Variants in BARX2 observed in about 807,000 individuals in gnomAD.
BARX2 encodes homeobox protein BarH-like 2.
Under a neutral mutation model 25.5 loss-of-function variants are expected in BARX2, and 11 were observed. The ratio of observed to expected loss-of-function variants is 0.43; its 90% CI spans 0.27 to 0.71. BARX2 has a LOEUF of 0.71. BARX2 is among the 30% of genes least tolerant of loss of function. BARX2 has a pLI of 0.19. For missense variants in BARX2, 360 were observed against 359.9 expected (o/e 1.00, Z 0.00); for synonymous variants, 137 against 149.5 (o/e 0.92, Z 0.61).
At chr11:129,444,695 G>A (rs141973509) in intron 3 of BARX2, among the ~76,000 whole-genome samples, 3 of 152,254 alleles carry the variant, frequency 2.0e-5, no homozygotes, top group Admixed American at 1.3e-4. Context: ...GAAGGTGGCC[G>A]GGAGAAGTTG....
chr11:129,406,666 A>AC (rs1476231683), intron 1 of BARX2, among the ~76,000 whole-genome samples: 2 of 151,894 alleles, frequency 1.3e-5, no homozygotes, highest in African/African-American at 4.8e-5. Context: ...AAGGAGGTGG[A>AC]CCCCCCAGTC....
chr11:129,377,948 T>C (rs1276640185), intron 1 of BARX2, among the ~76,000 whole-genome samples: 1 of 152,206 alleles, frequency 6.6e-6, no homozygotes, highest in Admixed American at 6.5e-5. Context: ...CAGAGAATAG[T>C]CATTCAGTCA....
chr11:129,434,388 C>T (rs1260435394), intron 1 of BARX2, among the ~76,000 whole-genome samples: 7 of 134,526 alleles, frequency 5.2e-5, no homozygotes, highest in African/African-American at 2.0e-4. Context: ...AACAGAGACC[C>T]TGTCTCTACT....
At chr11:129,414,346 A>G (rs574770525) in intron 1 of BARX2, among the ~76,000 whole-genome samples, 2 of 151,944 alleles carry the variant, frequency 1.3e-5, no homozygotes, top group African/African-American at 2.4e-5. Context: ...AAGCTGTTTT[A>G]TATGGCTTAT....
At chr11:129,378,670 C>T (rs1389945189) in intron 1 of BARX2, among the ~76,000 whole-genome samples, 1 of 141,180 alleles carries the variant, frequency 7.1e-6, no homozygotes, top group African/African-American at 2.6e-5. Flanking sequence ...ATTAAAGTTA[C>T]TGAACTTTCT....
chr11:129,447,016 A>G (rs1014338663), intron 3 of BARX2, among the ~76,000 whole-genome samples: 3 of 152,204 alleles, frequency 2.0e-5, no homozygotes, highest in Non-Finnish European at 4.4e-5. Context: ...CAGACGTAGA[A>G]CAGTGGCCCA....
chr11:129,445,752 GTAT>G (rs1169584114), intron 3 of BARX2, among the ~76,000 whole-genome samples: 4 of 152,306 alleles, frequency 2.6e-5, no homozygotes, highest in African/African-American at 7.2e-5. Context: ...CTGCAAACTG[GTAT>G]TATTATTTCA....
chr11:129,437,258 G>A (rs1361567573), intron 2 of BARX2: 3 of 609,990 alleles, frequency 4.9e-6, no homozygotes, highest in Non-Finnish European at 7.4e-6. Context: ...CCTGCCTGCG[G>A]CTAAACTTAA....
rs1862192242 is a variant in BARX2 at position 129,436,673 on chromosome 11, C to T, written c.188-78C>T. The T allele has an allele frequency of 6.8e-7, 1 of 1,462,016 alleles. No individual in the cohort carries two copies. The highest frequency in any genetic ancestry group is 2.3e-5 in the East Asian group (1 of 43,368). The allele number at this position is 1,462,016 out of a possible 1,614,324, so 90.6% of individuals were successfully genotyped here. On this transcript the variant is annotated intron_variant, in intron 1 of 3. Coordinates refer to ENST00000281437, the MANE Select transcript of BARX2 (RefSeq NM_003658.5). This position sits in a 1 kb window ranked among gnomAD's most constrained non-coding sequence, Gnocchi z 4.5. ...GCCCTCCCTGTCAGACAGACCTCAG[C>T]CAGCGGCCCTCCGCAGGTCCTGGCC...
At chr11:129,380,175 A>T (rs1591424061) in intron 1 of BARX2, among the ~76,000 whole-genome samples, 1 of 152,070 alleles carries the variant, frequency 6.6e-6, no homozygotes, top group East Asian at 1.9e-4. Context: ...ACTTGGTTAC[A>T]CACCCGGGAC....
upstream of BARX2, among the ~76,000 whole-genome samples, chr11:129,375,608 C>T (rs181739648): frequency 8.5e-5 from 13 of 152,076 alleles, no homozygotes; most frequent in East Asian, 2.5e-3. The surrounding 1 kb of genome is among the most constrained non-coding windows in gnomAD (Gnocchi z 4.0). Flanking sequence ...GGGAGGAGAG[C>T]CAAAACGAGC....
intron 1 of BARX2, among the ~76,000 whole-genome samples, chr11:129,404,098 A>G (rs924931086): frequency 2.0e-5 from 3 of 152,172 alleles, no homozygotes; most frequent in Non-Finnish European, 4.4e-5. Flanking sequence ...TGAAATTTTC[A>G]ACAAGGACCA....
chr11:129,414,121 A>T (rs1428964392), intron 1 of BARX2, among the ~76,000 whole-genome samples: 1 of 151,838 alleles, frequency 6.6e-6, no homozygotes, highest in Non-Finnish European at 1.5e-5. Context: ...TAGGTTTGAT[A>T]TCAGTTTGAA....
Position 129,451,377 on chromosome 11 carries a change from C to T in BARX2, c.815C>T (p.Ser272Phe), listed in dbSNP as rs777477746. ...PDPPQELPIP[S>F]SEPPPLS ...CCGCCCCAGGAGTTGCCAATACCCTCTTCGGAACCCCCACCATTAAGCTAA... is the reference window on the plus strand; with the variant it reads ...CCGCCCCAGGAGTTGCCAATACCCTTTTCGGAACCCCCACCATTAAGCTAA... Residue 272 changes from serine (S) to phenylalanine (F), a missense_variant, in exon 4 of 4, where the codon TCT (serine) becomes TTT (phenylalanine). Physicochemically the swap from Ser to Phe is radical, Grantham distance 155. Transcript: ENST00000281437. 29 of 1,613,796 alleles carry T rather than the reference C, an allele frequency of 1.8e-5. No individual in the cohort carries two copies. Among genetic ancestry groups the T allele is most frequent in the South Asian group, 4.4e-5 (4 of 91,068 alleles).
intron 2 of BARX2, among the ~76,000 whole-genome samples, chr11:129,438,728 G>A (rs1243525928): frequency 6.6e-6 from 1 of 152,210 alleles, no homozygotes; most frequent in East Asian, 1.9e-4. Context: ...GTCCTGTTGT[G>A]ACAGAAAGGG....
chr11:129,382,559 C>T (rs981410820), intron 1 of BARX2, among the ~76,000 whole-genome samples: 2 of 152,168 alleles, frequency 1.3e-5, no homozygotes, highest in Non-Finnish European at 2.9e-5. Context: ...GTCCTGCCCA[C>T]GACTGTAGTT....
At chr11:129,433,281 C>T (rs1054940937) in intron 1 of BARX2, among the ~76,000 whole-genome samples, 2 of 152,124 alleles carry the variant, frequency 1.3e-5, no homozygotes, top group Admixed American at 6.6e-5. Flanking sequence ...TCCTCTCAAC[C>T]TTAACTATAA....
chr11:129,404,236 A>T (rs769827101), intron 1 of BARX2, among the ~76,000 whole-genome samples: 1 of 152,214 alleles, frequency 6.6e-6, no homozygotes, highest in Non-Finnish European at 1.5e-5. Context: ...AACCCCAGTC[A>T]GCTTGGAGAG....
At chr11:129,434,003 T>G (rs979302718) in intron 1 of BARX2, among the ~76,000 whole-genome samples, 1 of 152,108 alleles carries the variant, frequency 6.6e-6, no homozygotes, top group Non-Finnish European at 1.5e-5. Context: ...CAGGATTAGA[T>G]GCAAATGTGT....
Sources: gnomAD v4.1 joint callset for allele counts (sites outside exome capture counted in the v4.1 genomes callset) on GRCh38, gnomAD v4.1.1 for gene constraint, Gnocchi (gnomAD v3.1) non-coding constraint, MANE v1.5 for transcripts, NCBI Gene and HGNC (gene_info 2026-07-23, HGNC 2026-07-21) for gene names.